PCDHA13: variants seen among roughly 807,000 people sequenced by gnomAD.
PCDHA13 encodes the protein protocadherin alpha 13.
Under a neutral mutation model 64.8 loss-of-function variants are expected in PCDHA13, and 54 were observed. That is an observed-to-expected ratio of 0.83 (90% CI 0.67 to 1.04). The LOEUF is 1.04. Ranked by LOEUF, PCDHA13 falls within the 50% of genes least tolerant of loss-of-function variation. PCDHA13 has a pLI of 0.00. For synonymous variants in PCDHA13, 587 were observed against 564.4 expected, an observed-to-expected ratio of 1.04 and a Z score of -0.57; for missense variants, 1,248 against 1,254.3, an observed-to-expected ratio of 0.99 and a Z score of 0.08.
At chr5:141,006,077 T>C (rs1554260547) in intron 3 of PCDHA13, among the ~76,000 whole-genome samples, 1 of 150,908 alleles carries the variant, frequency 6.6e-6, no homozygotes, top group East Asian at 1.9e-4. Flanking sequence ...ATCAGATTAT[T>C]GAAGGGACTT....
intron 2 of PCDHA13, chr5:140,982,257 G>A: frequency 1.2e-6 from 1 of 804,182 alleles, no homozygotes; most frequent in Admixed American, 3.3e-5. Context: ...TAGAACATGT[G>A]TGTTCCTGGA....
intron 3 of PCDHA13, among the ~76,000 whole-genome samples, chr5:140,985,060 C>A (rs1377386395): frequency 6.6e-6 from 1 of 152,066 alleles, no homozygotes; most frequent in Admixed American, 6.5e-5. Flanking sequence ...GCCTCAGCCT[C>A]CTGAGTAGCT....
intron 1 of PCDHA13, among the ~76,000 whole-genome samples, chr5:140,908,224 C>T (rs2073867832): frequency 6.6e-6 from 1 of 152,160 alleles, no homozygotes; most frequent in Admixed American, 6.5e-5. Flanking sequence ...GTGAACCAGT[C>T]CTTAGTCTTC....
intron 1 of PCDHA13, among the ~76,000 whole-genome samples, chr5:140,895,253 C>A (rs2153449431): frequency 6.6e-6 from 1 of 152,084 alleles, no homozygotes; most frequent in East Asian, 1.9e-4. Context: ...TCAAAGCTTT[C>A]TTTTTTTTCT....
At chr5:140,956,740 C>T in intron 1 of PCDHA13, among the ~76,000 whole-genome samples, 1 of 152,122 alleles carries the variant, frequency 6.6e-6, no homozygotes, top group East Asian at 1.9e-4. Context: ...CCTCTTTGTA[C>T]CTCTGATAGA....
intron 1 of PCDHA13, chr5:140,967,750 C>G (rs782284231): frequency 6.2e-7 from 1 of 1,614,190 alleles, no homozygotes; most frequent in South Asian, 1.1e-5. Flanking sequence ...ATGAGGAAGC[C>G]TCCTCCTACC....
At position 140,928,998 on chromosome 5, in the gene PCDHA13, C is replaced by G. The variant is rs1448389331; in HGVS notation, c.2394+44336C>G. On this transcript the variant is annotated intron_variant, in intron 1 of 3. Coordinates refer to ENST00000289272, the MANE Select transcript of PCDHA13 (RefSeq NM_018904.3). The stretch of plus-strand genomic sequence containing the variant: ...TATTTCTGGGGTGCTTACTTTTCTT[C>G]GTGTGTACCAAGTTGCACCAGAGCC... The G allele has an allele frequency of 8.1e-6, 13 of 1,613,784 alleles. No individual in the cohort carries two copies. The Admixed American group carries it at 2.2e-4, about 27-fold the overall frequency.
rs369408845 is a variant in PCDHA13, at chr5:140,898,113, C to T, written c.2394+13451C>T. On this transcript the variant is annotated intron_variant, in intron 1 of 3. Coordinates refer to ENST00000289272, the MANE Select transcript of PCDHA13 (RefSeq NM_018904.3). ...AGCCCTTTGTCAGATGAGTAGGTTG[C>T]GAAAATTTTCTCCCATTTTGTAGGT... Among the ~76,000 whole-genome samples, 401 of 152,070 alleles carry T rather than the reference C, an allele frequency of 2.6e-3. 3 individuals carry two copies. Among genetic ancestry groups the T allele is most frequent in the Admixed American group, 0.01 (153 of 15,274 alleles).
chr5:140,944,464 G>T (rs2093661298), intron 1 of PCDHA13, among the ~76,000 whole-genome samples: 1 of 152,158 alleles, frequency 6.6e-6, no homozygotes, highest in African/African-American at 2.4e-5. Context: ...TGGGATTACA[G>T]GTATGAGGCA....
At chr5:140,916,592 G>A (rs1554197534) in intron 1 of PCDHA13, among the ~76,000 whole-genome samples, 2 of 152,164 alleles carry the variant, frequency 1.3e-5, no homozygotes, top group Non-Finnish European at 2.9e-5. Flanking sequence ...ATGAGCTAGG[G>A]CCTGGAATGC....
intron 1 of PCDHA13, among the ~76,000 whole-genome samples, chr5:140,912,341 G>GT (rs1430124831): frequency 9.5e-5 from 12 of 126,362 alleles, no homozygotes; most frequent in African/African-American, 4.2e-4. Flanking sequence ...AGTACACTAA[G>GT]TATTTTTTTT....
chr5:140,891,270 C>T (rs1049558993), intron 1 of PCDHA13, among the ~76,000 whole-genome samples: 1 of 151,570 alleles, frequency 6.6e-6, no homozygotes, highest in East Asian at 1.9e-4. Context: ...TTAATTTTTC[C>T]GTAAGTTATT....
intron 1 of PCDHA13, among the ~76,000 whole-genome samples, chr5:140,972,660 A>ATTT (rs11350929): frequency 1.0e-4 from 12 of 117,258 alleles, no homozygotes; most frequent in Non-Finnish European, 1.7e-4. Flanking sequence ...AAGAAACCAA[A>ATTT]TTTTTTTTTT....
intron 1 of PCDHA13, among the ~76,000 whole-genome samples, chr5:140,908,732 A>G (rs909800763): frequency 6.6e-6 from 1 of 152,200 alleles, no homozygotes; most frequent in African/African-American, 2.4e-5. Flanking sequence ...ATATGGCTCG[A>G]GAAACAGAGC....
intron 1 of PCDHA13, among the ~76,000 whole-genome samples, chr5:140,958,528 G>T (rs961967514): frequency 4.6e-5 from 7 of 152,112 alleles, no homozygotes; most frequent in Non-Finnish European, 8.8e-5. Flanking sequence ...TATACTATGT[G>T]TACATTGATT....
At chr5:140,899,714 T>C (rs1554188719) in intron 1 of PCDHA13, among the ~76,000 whole-genome samples, 1 of 152,242 alleles carries the variant, frequency 6.6e-6, no homozygotes, top group African/African-American at 2.4e-5. Context: ...TAGGGAGGAT[T>C]CCCTCTTTTT....
At chr5:141,006,058 G>T (rs1002161598) in intron 3 of PCDHA13, among the ~76,000 whole-genome samples, 2 of 149,786 alleles carry the variant, frequency 1.3e-5, no homozygotes, top group Non-Finnish European at 3.0e-5. Flanking sequence ...GAGTGGAGAA[G>T]AAATAAAAAT....
intron 3 of PCDHA13, among the ~76,000 whole-genome samples, chr5:140,993,129 G>A (rs1216210971): frequency 6.6e-6 from 1 of 152,160 alleles, no homozygotes; most frequent in Non-Finnish European, 1.5e-5. Flanking sequence ...ATTTCCTTCT[G>A]TTGCAACAAG....
chr5:140,944,206 T>C (rs1291391135), intron 1 of PCDHA13, among the ~76,000 whole-genome samples: 1 of 152,156 alleles, frequency 6.6e-6, no homozygotes, highest in Non-Finnish European at 1.5e-5. Context: ...GTTTTGTTTT[T>C]AAAGAGGGTT....
Sources: gnomAD v4.1 joint callset for allele counts (sites outside exome capture counted in the v4.1 genomes callset) on GRCh38, gnomAD v4.1.1 for gene constraint, MANE v1.5 for transcripts, NCBI Gene and HGNC (gene_info 2026-07-23, HGNC 2026-07-21) for gene names.